SNAP91: variants seen among roughly 807,000 people sequenced by gnomAD.
SNAP91 encodes the protein clathrin coat assembly protein AP180.
A neutral mutation model predicts 100.3 loss-of-function variants in SNAP91; 27 were observed. The ratio of observed to expected loss-of-function variants is 0.27; its 90% CI spans 0.20 to 0.37. The LOEUF (loss-of-function observed/expected upper bound fraction) is 0.37. SNAP91 is among the 10% of genes least tolerant of loss of function. The probability of loss-of-function intolerance (pLI) is 1.00; values close to 1 mark genes in which losing one functional copy is unlikely to be tolerated. For missense variants in SNAP91, 986 were observed against 1,123.7 expected, an observed-to-expected ratio of 0.88 and a Z score of 1.75; for synonymous variants, 404 against 398.6, an observed-to-expected ratio of 1.01 and a Z score of -0.16.
At chr6:83,596,055 T>G (rs1007775280) in intron 16 of SNAP91, among the ~76,000 whole-genome samples, 16 of 152,172 alleles carry the variant, frequency 1.1e-4, no homozygotes, top group African/African-American at 3.9e-4. Flanking sequence ...AAATATATGT[T>G]CAATTTATTT....
intron 8 of SNAP91, among the ~76,000 whole-genome samples, chr6:83,628,315 T>C (rs1176637604): frequency 6.6e-6 from 1 of 150,878 alleles, no homozygotes; most frequent in Non-Finnish European, 1.5e-5. Context: ...CAATTGTGAA[T>C]TGTGCTGCTA....
intron 26 of SNAP91, among the ~76,000 whole-genome samples, chr6:83,574,652 A>G (rs752371473): frequency 6.6e-5 from 10 of 152,290 alleles, no homozygotes; most frequent in Non-Finnish European, 1.2e-4. Context: ...TCATAATTTT[A>G]CAAATATGGA....
chr6:83,632,554 T>C (rs2097252499), intron 8 of SNAP91, among the ~76,000 whole-genome samples: 1 of 152,214 alleles, frequency 6.6e-6, no homozygotes, highest in South Asian at 2.1e-4. Context: ...TTAAACAAAA[T>C]CCCAGACTTC....
rs556174107 is a variant in SNAP91 at position 83,677,738 on chromosome 6, T to G, written c.131-12157A>C. On this transcript the variant is annotated intron_variant, in intron 2 of 29. Transcript: ENST00000369694. ...GCCAGCTGTAATACTACATTGCTTT[T>G]ATATTTTATCCTCTTTTGAGTGTTT... Among the ~76,000 whole-genome samples, 36 of 152,358 alleles carry G rather than the reference T, an allele frequency of 2.4e-4. No homozygotes were observed. In the South Asian group the frequency reaches 6.4e-3, roughly 27 times the overall value.
At chr6:83,613,033 C>T (rs192290116) in intron 11 of SNAP91, among the ~76,000 whole-genome samples, 3 of 152,070 alleles carry the variant, frequency 2.0e-5, no homozygotes, top group Middle Eastern at 6.8e-3. Flanking sequence ...ATTGTTCTAC[C>T]TGCTATAAAA....
rs2099416459 is a variant in SNAP91 at position 83,708,852 on chromosome 6, C to G, written c.-38G>C. 1 of 152,068 alleles carries G rather than the reference C, an allele frequency of 6.6e-6. No individual in the cohort carries two copies. Among genetic ancestry groups the G allele is most frequent in the Non-Finnish European group, 1.5e-5 (1 of 68,020 alleles). 9.4% of individuals were successfully genotyped at this position (152,068 alleles called of 1,614,324 possible). A position where few individuals can be genotyped will look rare whatever the true frequency, so the allele number is the denominator to read the frequency against. On this transcript the variant is annotated 5_prime_UTR_variant, in exon 1 of 30. Transcript: ENST00000369694. ...ACGGCCGCGGGTACTCACCCCGCCC[C>G]TGAGCGGCGCCGCCCGCCGCAGGAT...
At position 83,636,858 on chromosome 6, in the gene SNAP91, C is replaced by T. The variant is rs555311159; in HGVS notation, c.765+4238G>A. ...TTTTTGTTTTTACATTCTTTTTTCC[C>T]GTAAGGGTTGACTGTGGTGAATGTT... On this transcript the variant is annotated intron_variant, in intron 8 of 29. Transcript: ENST00000369694. 5.3e-5 allele frequency among the ~76,000 whole-genome samples: 8 copies of T among 152,112 alleles called. No individual in the cohort carries two copies. The South Asian group carries it at 1.7e-3, about 32-fold the overall frequency.
At chr6:83,570,548 C>T (rs1047604395) in intron 26 of SNAP91, among the ~76,000 whole-genome samples, 25 of 74,614 alleles carry the variant, frequency 3.4e-4, no homozygotes, top group South Asian at 2.6e-3. Context: ...TGGAGGTTTA[C>T]GGGGTGGCGG....
intron 8 of SNAP91, among the ~76,000 whole-genome samples, chr6:83,627,894 C>T (rs1030166923): frequency 1.3e-5 from 2 of 151,386 alleles, no homozygotes; most frequent in African/African-American, 2.4e-5. Flanking sequence ...GGTGAGGTGG[C>T]GTTTGGTTAC....
At chr6:83,694,637 G>A (rs2099171307) in intron 2 of SNAP91, among the ~76,000 whole-genome samples, 1 of 152,154 alleles carries the variant, frequency 6.6e-6, no homozygotes, top group Non-Finnish European at 1.5e-5. Context: ...GTGAACCTGG[G>A]AGCTTTAGTT....
chr6:83,606,217 T>C (rs1391414378), intron 13 of SNAP91, among the ~76,000 whole-genome samples: 3 of 152,216 alleles, frequency 2.0e-5, no homozygotes, highest in Non-Finnish European at 2.9e-5. Context: ...CTCTATTTCC[T>C]AAAATCTTTT....
chr6:83,644,186 C>T (rs923216268), intron 7 of SNAP91, among the ~76,000 whole-genome samples: 1 of 152,112 alleles, frequency 6.6e-6, no homozygotes, highest in Non-Finnish European at 1.5e-5. Flanking sequence ...CTTTTAGAAC[C>T]AGTGACCAAA....
rs780024646 is a variant in SNAP91, at chr6:83,707,947, C to G, written c.-20G>C. ...CGACATCTTCTGTGGTCGCGTCTAC[C>G]GCCTCCTCTTCTGCAGGAAACAAGG... is the stretch of plus-strand genomic sequence containing the variant. On this transcript the variant is annotated 5_prime_UTR_variant, in exon 2 of 30. Coordinates refer to ENST00000369694, the MANE Select transcript of SNAP91 (RefSeq NM_001242792.2). The G allele has an allele frequency of 6.4e-7, 1 of 1,562,518 alleles. No homozygotes were observed. Among genetic ancestry groups the G allele is most frequent in the Non-Finnish European group, 8.6e-7 (1 of 1,162,262 alleles).
chr6:83,688,507 T>TC (rs1256732767), intron 2 of SNAP91, among the ~76,000 whole-genome samples: 1 of 147,922 alleles, frequency 6.8e-6, no homozygotes, highest in African/African-American at 2.6e-5. Flanking sequence ...AACATCACTT[T>TC]TTTTTTTTTT....
intron 18 of SNAP91, 92 bp from the exon 19 acceptor site, chr6:83,593,351 C>T: frequency 6.6e-7 from 1 of 1,516,706 alleles, no homozygotes; most frequent in South Asian, 1.2e-5. Flanking sequence ...CTTTGAAGAA[C>T]TCTGAATTAA....
chr6:83,664,294 T>C (rs1047881986), intron 3 of SNAP91, among the ~76,000 whole-genome samples: 1 of 152,178 alleles, frequency 6.6e-6, no homozygotes, highest in Admixed American at 6.6e-5. Context: ...TTTGTAAGGC[T>C]ATAGCTACCA....
intron 2 of SNAP91, among the ~76,000 whole-genome samples, chr6:83,669,893 T>C (rs567397986): frequency 2.0e-4 from 31 of 152,140 alleles, no homozygotes; most frequent in Admixed American, 3.3e-4. Context: ...TTCATTCACC[T>C]GTTGATGAAC....
chr6:83,628,130 C>T (rs1263901130), intron 8 of SNAP91, among the ~76,000 whole-genome samples: 1 of 151,280 alleles, frequency 6.6e-6, no homozygotes, highest in East Asian at 2.0e-4. Flanking sequence ...TCCTGAGTTA[C>T]TTCACTTAGA....
chr6:83,695,230 T>C (rs1411690930), intron 2 of SNAP91, among the ~76,000 whole-genome samples: 1 of 130,396 alleles, frequency 7.7e-6, no homozygotes, highest in African/African-American at 3.0e-5. Context: ...TGAACCGAGA[T>C]TGAGCCACTG....
Sources: gnomAD v4.1 joint callset for allele counts (sites outside exome capture counted in the v4.1 genomes callset) on GRCh38, gnomAD v4.1.1 for gene constraint, MANE v1.5 for transcripts, NCBI Gene and HGNC (gene_info 2026-07-23, HGNC 2026-07-21) for gene names.